Variants in ZSWIM5 observed in about 807,000 individuals in gnomAD.
ZSWIM5 encodes the protein zinc finger SWIM domain-containing protein 5.
In ZSWIM5, 55 loss-of-function variants were observed where a neutral mutation model predicts 119.6. The observed-to-expected ratio is 0.46, with a 90% confidence interval of 0.37 to 0.58. The LOEUF (loss-of-function observed/expected upper bound fraction) is 0.58, where lower values mean the gene tolerates loss of function less well. Ranked by LOEUF, ZSWIM5 falls within the 20% of genes least tolerant of loss-of-function variation. ZSWIM5 has a pLI of 0.00. For synonymous variants in ZSWIM5, 537 were observed against 606.9 expected, an observed-to-expected ratio of 0.88 and a Z score of 1.69; for missense variants, 1,193 against 1,512.8, an observed-to-expected ratio of 0.79 and a Z score of 3.51.
chr1:45,124,160 CAAG>C (rs893735844), intron 1 of ZSWIM5, among the ~76,000 whole-genome samples: 14 of 151,640 alleles, frequency 9.2e-5, no homozygotes, highest in African/African-American at 3.1e-4. Context: ...CTCAAAACAC[CAAG>C]AAGAAAAAAG....
At position 45,043,325 on chromosome 1, in the gene ZSWIM5, A is replaced by C; in HGVS notation, c.1503T>G (p.Asp501Glu). The change falls in exon 6 of 14, where the codon GAT (aspartate) becomes GAG (glutamate). Residue 501 changes from aspartate to glutamate, a missense_variant. Asp to Glu is a conservative substitution (Grantham distance 45). Coordinates refer to ENST00000359600, the MANE Select transcript of ZSWIM5 (RefSeq NM_020883.2). Reference protein sequence around the residue: ...AIEGRELHWQDSHLQRIISSD... With the variant: ...AIEGRELHWQESHLQRIISSD... ...TGCTGATTATTCGCTGTAGGTGGCT[A>C]TCCTGCCAATGTAATTCACGCCCCT... is the stretch of plus-strand genomic sequence containing the variant. 1 of 1,614,204 alleles carries C rather than the reference A, an allele frequency of 6.2e-7. No individual in the cohort carries two copies. The highest frequency in any genetic ancestry group is 8.5e-7 in the Non-Finnish European group (1 of 1,180,038).
At chr1:45,049,503 A>G (rs1293285777) in intron 5 of ZSWIM5, among the ~76,000 whole-genome samples, 3 of 152,104 alleles carry the variant, frequency 2.0e-5, no homozygotes, top group Non-Finnish European at 4.4e-5. Flanking sequence ...ACAAAGAACC[A>G]ATATATTATG....
At chr1:45,181,106 A>G (rs1646015228) in intron 1 of ZSWIM5, among the ~76,000 whole-genome samples, 1 of 152,140 alleles carries the variant, frequency 6.6e-6, no homozygotes, top group South Asian at 2.1e-4. Flanking sequence ...CGAGTTGAGA[A>G]AAGAAGGCTT....
chr1:45,142,822 C>G (rs1645735143), intron 1 of ZSWIM5, among the ~76,000 whole-genome samples: 1 of 151,564 alleles, frequency 6.6e-6, no homozygotes, highest in African/African-American at 2.4e-5. Context: ...CAACACTGTT[C>G]TGTACTAAAG....
chr1:45,021,386 A>G (rs183800431), intron 11 of ZSWIM5, among the ~76,000 whole-genome samples: 9 of 152,172 alleles, frequency 5.9e-5, no homozygotes, highest in Non-Finnish European at 1.2e-4. Flanking sequence ...TACTGCCAAA[A>G]AAGAACGGCA....
intron 1 of ZSWIM5, among the ~76,000 whole-genome samples, chr1:45,197,544 C>A (rs2149056015): frequency 6.6e-6 from 1 of 152,222 alleles, no homozygotes; most frequent in African/African-American, 2.4e-5. Context: ...TTATCCATTC[C>A]CCCATTTGGT....
intron 1 of ZSWIM5, among the ~76,000 whole-genome samples, chr1:45,158,905 A>T (rs1476142518): frequency 2.0e-5 from 3 of 152,216 alleles, no homozygotes. Flanking sequence ...AATAAAGCTA[A>T]ATCTAAAAAT....
chr1:45,073,249 A>ATTTTTTTTTTTTTTTTTTTTTTT (rs58448888), intron 2 of ZSWIM5, among the ~76,000 whole-genome samples: 1 of 56,052 alleles, frequency 1.8e-5, no homozygotes, highest in Non-Finnish European at 3.1e-5. Context: ...TTGCTACTGA[A>ATTTTTTTTTTTTTTTTTTTTTTT]TTTTTTTTTT....
chr1:45,154,260 T>A (rs1023144431), intron 1 of ZSWIM5, among the ~76,000 whole-genome samples: 13 of 151,942 alleles, frequency 8.6e-5, no homozygotes, highest in Non-Finnish European at 1.2e-4. Context: ...CTAAAATTCA[T>A]ATGGAACCAA....
intron 1 of ZSWIM5, among the ~76,000 whole-genome samples, chr1:45,119,706 TAA>T (rs1445757060): frequency 6.6e-6 from 1 of 152,218 alleles, no homozygotes; most frequent in Non-Finnish European, 1.5e-5. Context: ...ACACTAACTA[TAA>T]GTTACCCAAC....
At position 45,115,979 on chromosome 1, in the gene ZSWIM5, G is replaced by A. The variant is rs569242462; in HGVS notation, c.596-27742C>T. The stretch of plus-strand genomic sequence containing the variant: ...AAAAACCAGTCAGGCGTGGTGGCGC[G>A]CGCCCGCAATCCCAGGCACTCGCAG... On this transcript the variant is annotated intron_variant, in intron 1 of 13. Coordinates refer to ENST00000359600, the MANE Select transcript of ZSWIM5 (RefSeq NM_020883.2). Among the ~76,000 whole-genome samples, 301 of 152,280 alleles carry A rather than the reference G, an allele frequency of 2.0e-3. 1 individual carries two copies. The highest frequency in any genetic ancestry group is 9.1e-3 in the South Asian group (44 of 4,820).
At chr1:45,107,094 C>G (rs554997676) in intron 1 of ZSWIM5, among the ~76,000 whole-genome samples, 1 of 152,312 alleles carries the variant, frequency 6.6e-6, no homozygotes, top group East Asian at 1.9e-4. Context: ...ACAGGAACCT[C>G]TGCCTAGGAA....
At chr1:45,070,455 C>T in intron 2 of ZSWIM5, 1 of 1,159,346 alleles carries the variant, frequency 8.6e-7, no homozygotes, top group South Asian at 1.5e-5. Context: ...GGCTGTTCTC[C>T]ATAGGAATTT....
At chr1:45,053,641 T>C (rs909990969) in intron 4 of ZSWIM5, among the ~76,000 whole-genome samples, 6 of 150,824 alleles carry the variant, frequency 4.0e-5, no homozygotes, top group African/African-American at 1.5e-4. Context: ...TGTGTGCCTA[T>C]AATCCCAGTT....
intron 1 of ZSWIM5, among the ~76,000 whole-genome samples, chr1:45,132,894 G>C (rs915950776): frequency 2.0e-5 from 3 of 152,080 alleles, no homozygotes; most frequent in Admixed American, 6.6e-5. Flanking sequence ...ATAGTTTGCT[G>C]AGAATGATGG....
chr1:45,068,352 T>A (rs1645198531), intron 2 of ZSWIM5, among the ~76,000 whole-genome samples: 2 of 151,950 alleles, frequency 1.3e-5, no homozygotes, highest in African/African-American at 4.8e-5. Flanking sequence ...GTGATCTGCC[T>A]GCCCCAGCCT....
intron 2 of ZSWIM5, among the ~76,000 whole-genome samples, chr1:45,080,698 C>T (rs569219423): frequency 6.6e-6 from 1 of 152,224 alleles, no homozygotes; most frequent in South Asian, 2.1e-4. Context: ...ATTGGTGTAG[C>T]CTTCTATTCT....
chr1:45,181,360 G>T (rs1360254632), intron 1 of ZSWIM5, among the ~76,000 whole-genome samples: 8 of 152,128 alleles, frequency 5.3e-5, no homozygotes, highest in African/African-American at 1.9e-4. Flanking sequence ...TGAATGAAAT[G>T]AAGCGAGAAG....
intron 1 of ZSWIM5, among the ~76,000 whole-genome samples, chr1:45,167,907 A>G (rs1333837387): frequency 1.3e-5 from 2 of 152,150 alleles, no homozygotes; most frequent in East Asian, 3.9e-4. Flanking sequence ...ATTGTGGAAG[A>G]CAGTGTGGCA....
Sources: allele counts gnomAD v4.1 joint callset (sites outside exome capture counted in the v4.1 genomes callset), GRCh38; gene constraint gnomAD v4.1.1; transcripts MANE v1.5; gene names NCBI Gene and HGNC (gene_info 2026-07-23, HGNC 2026-07-21).